Variants in RP1 observed in about 807,000 individuals in gnomAD.
The protein encoded by RP1 is RP1 axonemal microtubule associated.
Under a neutral mutation model 14.8 loss-of-function variants are expected in RP1, and 16 were observed. The ratio of observed to expected loss-of-function variants is 1.08; its 90% confidence interval spans 0.73 to 1.65. The LOEUF is 1.65. Among genes scored for constraint, RP1 ranks in the 40% most tolerant of loss-of-function variants. The pLI is 0.00. For missense variants in RP1, 2,631 were observed against 2,535.0 expected, an observed-to-expected ratio of 1.04 and a Z score of -0.81; for synonymous variants, 876 against 883.6, an observed-to-expected ratio of 0.99 and a Z score of 0.15.
chr8:54,633,707 G>C (rs1287469895), downstream of RP1, among the ~76,000 whole-genome samples: 2 of 114,068 alleles, frequency 1.8e-5, no homozygotes, highest in East Asian at 2.6e-4. Flanking sequence ...GCTTTATTTT[G>C]TGCCTCTCTC....
chr8:54,861,593 C>T (rs760055560), intron 27 of RP1, among the ~76,000 whole-genome samples: 26 of 152,054 alleles, frequency 1.7e-4, no homozygotes, highest in Non-Finnish European at 3.2e-4. Context: ...AATAAACATT[C>T]TTTTTTTCTT....
Position 54,605,170 on chromosome 8 carries a change from G to A in RP1, c.-12-15785G>A, listed in dbSNP as rs192265518. ...AGATCTTGTCTTCTTTCTCTTGTGG[G>A]CATTTAGTGCTATAAATTTCCCTCT... On this transcript the variant is annotated intron_variant, in intron 1 of 22. Transcript: ENST00000636932. Among the ~76,000 whole-genome samples the A allele has an allele frequency of 1.8e-4, 28 of 152,180 alleles. 1 individual carries two copies. The East Asian group carries it at 2.5e-3, about 14-fold the overall frequency.
At chr8:54,778,407 C>A (rs978035083) in intron 23 of RP1, among the ~76,000 whole-genome samples, 1 of 150,004 alleles carries the variant, frequency 6.7e-6, no homozygotes, top group African/African-American at 2.5e-5. Context: ...TCACTGCAAC[C>A]TCCACCTCCC....
At chr8:54,835,044 A>T (rs1811625737) in intron 24 of RP1, among the ~76,000 whole-genome samples, 1 of 152,136 alleles carries the variant, frequency 6.6e-6, no homozygotes, top group African/African-American at 2.4e-5. Context: ...AAAAAATACT[A>T]CAGTTTCATG....
chr8:54,812,177 G>A (rs1341338264), intron 24 of RP1, among the ~76,000 whole-genome samples: 1 of 152,192 alleles, frequency 6.6e-6, no homozygotes, highest in Non-Finnish European at 1.5e-5. Context: ...ATCTCACTCT[G>A]TCGCCCAGGC....
chr8:54,682,469 A>C (rs1437401220), intron 12 of RP1, among the ~76,000 whole-genome samples: 1 of 152,086 alleles, frequency 6.6e-6, no homozygotes, highest in African/African-American at 2.4e-5. Context: ...TACCGAGTAT[A>C]TACCCACAGG....
chr8:54,769,815 A>T (rs1281397893), exon 23 of RP1: 33 of 1,515,542 alleles, frequency 2.2e-5, no homozygotes, highest in East Asian at 4.9e-5. Context: ...GATTACTGAA[A>T]CCATCAGTAG....
At chr8:54,819,738 C>G (rs1439640712) in intron 24 of RP1, among the ~76,000 whole-genome samples, 2 of 152,158 alleles carry the variant, frequency 1.3e-5, no homozygotes, top group East Asian at 3.9e-4. Flanking sequence ...ATGGAGGTAC[C>G]ACCATGGTGG....
intron 24 of RP1, among the ~76,000 whole-genome samples, chr8:54,804,462 G>T (rs1352251518): frequency 1.3e-5 from 2 of 152,070 alleles, no homozygotes; most frequent in African/African-American, 4.8e-5. Context: ...ACTGTTGTTT[G>T]TGTAATGTGG....
chr8:54,845,543 T>C (rs772921203), intron 25 of RP1, among the ~76,000 whole-genome samples: 23 of 152,208 alleles, frequency 1.5e-4, no homozygotes, highest in Non-Finnish European at 2.8e-4. Flanking sequence ...CAGCTCGGGC[T>C]ACAGAGAGTC....
At chr8:54,646,862 T>C (rs1390232202) in intron 3 of RP1, among the ~76,000 whole-genome samples, 2 of 152,202 alleles carry the variant, frequency 1.3e-5, no homozygotes, top group Non-Finnish European at 2.9e-5. Flanking sequence ...GACAGAAGTA[T>C]GGTATTTCAA....
intron 12 of RP1, among the ~76,000 whole-genome samples, chr8:54,689,019 G>A (rs1242716073): frequency 6.6e-6 from 1 of 152,222 alleles, no homozygotes; most frequent in East Asian, 1.9e-4. Flanking sequence ...TCTTGAAGAG[G>A]TCCTTGACAT....
intron 24 of RP1, among the ~76,000 whole-genome samples, chr8:54,812,727 C>G (rs1225178745): frequency 6.6e-6 from 1 of 152,128 alleles, no homozygotes; most frequent in Non-Finnish European, 1.5e-5. Flanking sequence ...ATCTCTCTCT[C>G]TTCTATGTAT....
At chr8:54,857,073 A>G in exon 27 of RP1, 2 of 1,223,208 alleles carry the variant, frequency 1.6e-6, no homozygotes, top group Non-Finnish European at 1.0e-6. Context: ...AAAATTGAAG[A>G]AAGTTCTGAT....
chr8:54,801,281 T>C (rs1810699410), intron 24 of RP1, among the ~76,000 whole-genome samples: 1 of 152,214 alleles, frequency 6.6e-6, no homozygotes, highest in East Asian at 1.9e-4. Flanking sequence ...CGTGTTAATG[T>C]AGTGTTGAGA....
At chr8:54,671,940 C>T (rs749988836) in intron 7 of RP1, among the ~76,000 whole-genome samples, 64 of 152,196 alleles carry the variant, frequency 4.2e-4, no homozygotes, top group African/African-American at 1.2e-3. Context: ...ACAACCATAC[C>T]TCACAGTCAT....
At chr8:54,825,880 GGC>G (rs2129398868) in intron 24 of RP1, among the ~76,000 whole-genome samples, 1 of 150,316 alleles carries the variant, frequency 6.7e-6, no homozygotes, top group East Asian at 2.0e-4. Context: ...GACCAGCCTG[GGC>G]AACATGGCAA....
rs541759401 is a variant in RP1, at chr8:54,568,803, G to A, written c.-13+9483G>A. 7.9e-5 allele frequency among the ~76,000 whole-genome samples: 12 copies of A among 152,320 alleles called. No homozygotes were observed. In the East Asian group the frequency reaches 2.3e-3, roughly 29 times the overall value. On this transcript the variant is annotated intron_variant, in intron 1 of 22. Coordinates refer to the RP1 transcript ENST00000636932. ...CAGTTTCCTCCACATAGTCACCACA[G>A]GGGACAAAATCTGGAGAAGCCTCCA...
At chr8:54,646,920 T>C (rs1806562659) in intron 3 of RP1, among the ~76,000 whole-genome samples, 1 of 152,186 alleles carries the variant, frequency 6.6e-6, no homozygotes, top group African/African-American at 2.4e-5. Flanking sequence ...AGAGCATAGC[T>C]AGAATTTTTC....
Sources: gnomAD v4.1 joint callset for allele counts (sites outside exome capture counted in the v4.1 genomes callset) on GRCh38, gnomAD v4.1.1 for gene constraint, MANE v1.5 for transcripts, NCBI Gene and HGNC (gene_info 2026-07-23, HGNC 2026-07-21) for gene names.